The following ZNF385D variants were observed in gnomAD, a reference collection of about 807,000 sequenced individuals.
The protein encoded by ZNF385D is zinc finger protein 659.
In ZNF385D, 15 loss-of-function variants were observed where a neutral mutation model predicts 35.8. That is an observed-to-expected ratio of 0.42 (90% CI 0.28 to 0.64). The LOEUF (loss-of-function observed/expected upper bound fraction) is 0.64. Among genes scored for constraint, ZNF385D ranks in the 30% least tolerant of loss-of-function variants. The pLI is 0.23. For synonymous variants in ZNF385D, 212 were observed against 186.8 expected (o/e 1.13, Z -1.10); for missense variants, 474 against 494.6 (o/e 0.96, Z 0.39).
intron 2 of ZNF385D, among the ~76,000 whole-genome samples, chr3:21,614,257 A>G (rs985112742): frequency 6.6e-6 from 1 of 152,102 alleles, no homozygotes. Context: ...CTGTCCTCAC[A>G]TGGCCTTAAC....
chr3:21,530,812 C>T (rs529770222), intron 3 of ZNF385D, among the ~76,000 whole-genome samples: 2 of 152,152 alleles, frequency 1.3e-5, no homozygotes, highest in Admixed American at 6.5e-5. Flanking sequence ...CTGAGAGAAG[C>T]GCAAAGGGAA....
chr3:22,017,373 A>T (rs931085540), intron 3 of ZNF385D, among the ~76,000 whole-genome samples: 3 of 151,910 alleles, frequency 2.0e-5, no homozygotes, highest in Non-Finnish European at 2.9e-5. Context: ...CGGTTCGTAG[A>T]TCTCTGGCAT....
intron 2 of ZNF385D, among the ~76,000 whole-genome samples, chr3:22,185,760 C>T (rs1695588966): frequency 6.6e-6 from 1 of 152,186 alleles, no homozygotes; most frequent in Non-Finnish European, 1.5e-5. Context: ...GCCACCATGC[C>T]CTGTCCACTT....
At chr3:22,244,142 T>C (rs2125318116) in intron 2 of ZNF385D, among the ~76,000 whole-genome samples, 1 of 150,628 alleles carries the variant, frequency 6.6e-6, no homozygotes, top group East Asian at 2.0e-4. Context: ...AAAGTGTTAG[T>C]ACTCTGTGCA....
intron 5 of ZNF385D, among the ~76,000 whole-genome samples, chr3:21,433,081 A>G (rs1168643303): frequency 6.6e-6 from 1 of 152,132 alleles, no homozygotes; most frequent in African/African-American, 2.4e-5. Context: ...AAAGGCCCAG[A>G]GAGGACAACT....
At position 22,021,166 on chromosome 3, in the gene ZNF385D, G is replaced by C. The variant is rs114157820; in HGVS notation, c.325+147651C>G. On this transcript the variant is annotated intron_variant, in intron 3 of 5. Coordinates refer to the ZNF385D transcript ENST00000494108. ...TTAATGGGTACAAGTATATTATTTA[G>C]GTGATAGATACTCTAAAAGCCCTGA... 6.7e-3 allele frequency among the ~76,000 whole-genome samples: 1,019 copies of C among 151,894 alleles called. 17 individuals are homozygous for C. The highest frequency in any genetic ancestry group is 0.023 in the African/African-American group (954 of 41,436).
At chr3:21,807,120 G>C (rs776931522) in intron 3 of ZNF385D, among the ~76,000 whole-genome samples, 4 of 152,116 alleles carry the variant, frequency 2.6e-5, no homozygotes, top group Non-Finnish European at 4.4e-5. Context: ...AATCAGATGT[G>C]TAATTTTCAA....
chr3:22,099,036 G>A (rs558182305), intron 3 of ZNF385D, among the ~76,000 whole-genome samples: 5 of 151,998 alleles, frequency 3.3e-5, no homozygotes, highest in Admixed American at 6.6e-5. Context: ...TCTGTAATGA[G>A]GAAAAATAGG....
chr3:21,996,787 G>A (rs929969759), intron 3 of ZNF385D, among the ~76,000 whole-genome samples: 1 of 152,080 alleles, frequency 6.6e-6, no homozygotes, highest in East Asian at 1.9e-4. Context: ...TAGTTATGAA[G>A]ATGTCTATTC....
intron 2 of ZNF385D, among the ~76,000 whole-genome samples, chr3:22,328,343 G>T (rs1379349368): frequency 6.6e-6 from 1 of 151,638 alleles, no homozygotes; most frequent in African/African-American, 2.4e-5. Context: ...TTACAATTCT[G>T]ATTATAAAAA....
intron 5 of ZNF385D, among the ~76,000 whole-genome samples, chr3:21,428,894 A>G (rs1018122586): frequency 6.8e-6 from 1 of 146,362 alleles, no homozygotes; most frequent in Non-Finnish European, 1.5e-5. Context: ...TACTCCAACC[A>G]CAGTCTAAAT....
intron 3 of ZNF385D, among the ~76,000 whole-genome samples, chr3:21,869,726 T>C (rs2125844458): frequency 6.6e-6 from 1 of 152,234 alleles, no homozygotes; most frequent in South Asian, 2.1e-4. Context: ...CTGTATTAAT[T>C]AGTTAATGCC....
At chr3:22,335,226 A>T (rs1695110883) in intron 2 of ZNF385D, among the ~76,000 whole-genome samples, 1 of 152,162 alleles carries the variant, frequency 6.6e-6, no homozygotes, top group African/African-American at 2.4e-5. Flanking sequence ...CTGCTAACAT[A>T]AACAATTTAA....
At chr3:21,835,107 AC>A (rs1256099061) in intron 3 of ZNF385D, among the ~76,000 whole-genome samples, 1 of 152,072 alleles carries the variant, frequency 6.6e-6, no homozygotes, top group Non-Finnish European at 1.5e-5. Context: ...CCCTAAATGA[AC>A]ACACATTCAT....
At chr3:21,550,495 A>ATG (rs1481499117) in intron 3 of ZNF385D, among the ~76,000 whole-genome samples, 1 of 152,026 alleles carries the variant, frequency 6.6e-6, no homozygotes, top group Non-Finnish European at 1.5e-5. Context: ...AATTATATAT[A>ATG]TTTTTTAGAC....
At chr3:21,994,191 C>A (rs908090326) in intron 3 of ZNF385D, among the ~76,000 whole-genome samples, 2 of 152,130 alleles carry the variant, frequency 1.3e-5, no homozygotes, top group African/African-American at 2.4e-5. Context: ...ATCTGGTAGG[C>A]TTTGGTGTTA....
intron 3 of ZNF385D, among the ~76,000 whole-genome samples, chr3:21,852,054 A>T (rs1057344547): frequency 3.3e-5 from 5 of 151,904 alleles, no homozygotes; most frequent in Non-Finnish European, 7.4e-5. Flanking sequence ...TTTTCTTTCC[A>T]ATGTCTAGAC....
intron 3 of ZNF385D, among the ~76,000 whole-genome samples, chr3:21,847,181 G>A (rs565062932): frequency 3.9e-4 from 60 of 152,074 alleles, no homozygotes; most frequent in Non-Finnish European, 7.2e-4. Flanking sequence ...ATATTTTGAT[G>A]AGTCATATAT....
chr3:21,742,912 A>G (rs1470494997), intron 1 of ZNF385D, among the ~76,000 whole-genome samples: 3 of 152,210 alleles, frequency 2.0e-5, no homozygotes, highest in African/African-American at 7.2e-5. Context: ...ATTTTCATAC[A>G]TTTGTATATG....
Sources: gnomAD v4.1 joint callset for allele counts (sites outside exome capture counted in the v4.1 genomes callset) on GRCh38, gnomAD v4.1.1 for gene constraint, MANE v1.5 for transcripts, NCBI Gene and HGNC (gene_info 2026-07-23, HGNC 2026-07-21) for gene names.